Variants in KPNA3 observed in about 807,000 individuals in gnomAD.
The protein encoded by KPNA3 is karyopherin subunit alpha 3.
In KPNA3, 13 loss-of-function variants were observed where a neutral mutation model predicts 73.8. That is an observed-to-expected ratio of 0.18 (90% CI 0.11 to 0.28). The LOEUF (loss-of-function observed/expected upper bound fraction) is 0.28, where lower values mean the gene tolerates loss of function less well. Among genes scored for constraint, KPNA3 ranks in the 10% least tolerant of loss-of-function variants. The pLI is 1.00. For missense variants in KPNA3, 360 were observed against 618.1 expected (o/e 0.58, Z 4.43); for synonymous variants, 186 against 206.9 (o/e 0.90, Z 0.87).
intron 2 of KPNA3, among the ~76,000 whole-genome samples, chr13:49,746,185 A>G (rs1954615529): frequency 6.6e-6 from 1 of 151,934 alleles, no homozygotes; most frequent in Non-Finnish European, 1.5e-5. Flanking sequence ...AATTTGGGCC[A>G]GGCATGGCAG....
At chr13:49,766,845 A>T in intron 1 of KPNA3, among the ~76,000 whole-genome samples, 1 of 152,142 alleles carries the variant, frequency 6.6e-6, no homozygotes, top group Non-Finnish European at 1.5e-5. Flanking sequence ...ACTCCACTGC[A>T]GACAGAAAAT....
intron 1 of KPNA3, among the ~76,000 whole-genome samples, chr13:49,774,760 C>T (rs908023643): frequency 6.6e-5 from 10 of 152,184 alleles, no homozygotes; most frequent in Non-Finnish European, 1.3e-4. Flanking sequence ...AGGTGATAAA[C>T]CTGGCTATGC....
intron 1 of KPNA3, among the ~76,000 whole-genome samples, chr13:49,781,703 A>G (rs908074403): frequency 6.6e-6 from 1 of 152,208 alleles, no homozygotes; most frequent in South Asian, 2.1e-4. Context: ...AACTGTTTCA[A>G]TTAGAGCAAT....
rs1165491294 is a variant in KPNA3 at position 49,755,870 on chromosome 13, C to A, written c.70-8877G>T. Among the ~76,000 whole-genome samples the A allele has an allele frequency of 2.0e-5, 3 of 152,310 alleles. No individual in the cohort carries two copies. The South Asian group carries it at 6.2e-4, about 32-fold the overall frequency. On this transcript the variant is annotated intron_variant, in intron 1 of 16. Coordinates refer to ENST00000261667, the MANE Select transcript of KPNA3 (RefSeq NM_002267.4). ...AAAATTCCAAGGAATATACCAAAAA[C>A]TTTCCAGATCTATTAAGTGAGTTCA...
At chr13:49,705,856 G>T in intron 14 of KPNA3, 73 bp from the exon 15 acceptor site, 2 of 1,312,792 alleles carry the variant, frequency 1.5e-6, no homozygotes, top group Non-Finnish European at 1.0e-6. Context: ...CGTGCTACAT[G>T]GAAGGCTGAG....
At chr13:49,734,163 C>A (rs1250045332) in intron 2 of KPNA3, among the ~76,000 whole-genome samples, 1 of 152,192 alleles carries the variant, frequency 6.6e-6, no homozygotes, top group Non-Finnish European at 1.5e-5. Context: ...AAATTTGTCT[C>A]CTGAATTACC....
At chr13:49,787,476 A>G (rs1270651535) in intron 1 of KPNA3, among the ~76,000 whole-genome samples, 1 of 152,196 alleles carries the variant, frequency 6.6e-6, no homozygotes, top group Non-Finnish European at 1.5e-5. Flanking sequence ...AGTACAGCAC[A>G]GTAAGCAAGA....
At chr13:49,752,386 T>C (rs1954670270) in intron 1 of KPNA3, among the ~76,000 whole-genome samples, 1 of 152,016 alleles carries the variant, frequency 6.6e-6, no homozygotes, top group African/African-American at 2.4e-5. Context: ...TTCAGGAAAA[T>C]CTATCAAAAA....
intron 1 of KPNA3, among the ~76,000 whole-genome samples, chr13:49,759,041 G>A: frequency 6.6e-6 from 1 of 152,020 alleles, no homozygotes; most frequent in East Asian, 1.9e-4. Flanking sequence ...AACTACTCAA[G>A]AGCTAACATG....
At position 49,722,470 on chromosome 13, in the gene KPNA3, C is replaced by T; in HGVS notation, c.556+7G>A. The T allele has an allele frequency of 1.3e-6, 2 of 1,585,444 alleles. No individual in the cohort carries two copies. The highest frequency in any genetic ancestry group is 8.6e-7 in the Non-Finnish European group (1 of 1,158,650). ...ATTCTTAAGAGGATTCCTTTCAAACCACTTACCTATAATGTTTCCCAAAGC... is the reference window on the plus strand; with the variant it reads ...ATTCTTAAGAGGATTCCTTTCAAACTACTTACCTATAATGTTTCCCAAAGC... On this transcript the variant is annotated splice_region_variant and intron_variant, in intron 8 of 16. Coordinates refer to ENST00000261667, the MANE Select transcript of KPNA3 (RefSeq NM_002267.4).
At chr13:49,711,092 A>C in intron 10 of KPNA3, 70 bp from the exon 11 acceptor site, 1 of 1,416,122 alleles carries the variant, frequency 7.1e-7, no homozygotes, top group Non-Finnish European at 9.4e-7. Context: ...AACACACCTC[A>C]GGAGTAGTGA....
At chr13:49,743,578 C>CA (rs150375280) in intron 2 of KPNA3, among the ~76,000 whole-genome samples, 4,630 of 94,096 alleles carry the variant, frequency 0.049, 86 homozygotes, top group South Asian at 0.066. Context: ...TAATGTTAGC[C>CA]AAAAAAAAAA....
At chr13:49,760,854 C>T (rs926517958) in intron 1 of KPNA3, among the ~76,000 whole-genome samples, 6 of 152,020 alleles carry the variant, frequency 3.9e-5, no homozygotes, top group African/African-American at 1.5e-4. Flanking sequence ...TAAGCTGGGG[C>T]CCAGATGGAA....
At chr13:49,753,026 CAAAAAAA>C (rs71078888) in intron 1 of KPNA3, among the ~76,000 whole-genome samples, 5 of 82,204 alleles carry the variant, frequency 6.1e-5, no homozygotes, top group African/African-American at 1.5e-4. Flanking sequence ...GACTCTGTCT[CAAAAAAA>C]AAAAAAAAAA....
chr13:49,781,618 C>A (rs1033074704), intron 1 of KPNA3, among the ~76,000 whole-genome samples: 3 of 152,204 alleles, frequency 2.0e-5, no homozygotes, highest in Admixed American at 6.5e-5. Flanking sequence ...TAGTTCTGCA[C>A]TGTTTTCAGC....
chr13:49,751,485 T>G (rs1427466094), intron 1 of KPNA3, among the ~76,000 whole-genome samples: 1 of 152,210 alleles, frequency 6.6e-6, no homozygotes, highest in Non-Finnish European at 1.5e-5. Context: ...GGGGGGTTCT[T>G]TTTAAAATGC....
At chr13:49,715,753 A>C (rs1954298603) in intron 10 of KPNA3, among the ~76,000 whole-genome samples, 1 of 152,202 alleles carries the variant, frequency 6.6e-6, no homozygotes, top group Admixed American at 6.5e-5. Flanking sequence ...CGAAATTACA[A>C]ATGCATTTAC....
At chr13:49,751,537 AT>A (rs1271923119) in intron 1 of KPNA3, among the ~76,000 whole-genome samples, 1 of 152,052 alleles carries the variant, frequency 6.6e-6, no homozygotes, top group Admixed American at 6.6e-5. Context: ...TGTGTCAATG[AT>A]TTTTTTCATC....
chr13:49,735,506 A>C (rs1232730676), intron 2 of KPNA3, among the ~76,000 whole-genome samples: 1 of 152,132 alleles, frequency 6.6e-6, no homozygotes, highest in African/African-American at 2.4e-5. Context: ...TAATCATTAA[A>C]ACCAGTAACT....
Sources: allele counts gnomAD v4.1 joint callset (sites outside exome capture counted in the v4.1 genomes callset), GRCh38; gene constraint gnomAD v4.1.1; transcripts MANE v1.5; gene names NCBI Gene and HGNC (gene_info 2026-07-23, HGNC 2026-07-21).